IFIT3: variants seen among roughly 807,000 people sequenced by gnomAD.
The protein encoded by IFIT3 is interferon-induced protein with tetratricopeptide repeats 3.
A neutral mutation model predicts 2.4 loss-of-function variants in IFIT3; 2 were observed. That is an observed-to-expected ratio of 0.82 (90% CI 0.34 to 2.60). The LOEUF (loss-of-function observed/expected upper bound fraction) is 2.60. IFIT3 is among the 30% of genes most tolerant of loss of function. The pLI is 0.11. For missense variants in IFIT3, 481 were observed against 562.4 expected (o/e 0.86, Z 1.46); for synonymous variants, 203 against 212.1 (o/e 0.96, Z 0.37).
chr10:89,338,737 G>C lies in IFIT3; in HGVS notation c.82G>C (p.Asp28His), dbSNP rs1311839637. ...CHFTWNLFKE[D>H]SVSRDLEDRV... The stretch of plus-strand genomic sequence containing the variant: ...TTTCACCTGGAACTTATTCAAGGAA[G>C]ACAGTGTCTCAAGGGATCTAGAAGA... The change falls in exon 2 of 2, where the codon GAC (aspartate) becomes CAC (histidine). Residue 28 changes from aspartate to histidine, a missense_variant. Asp to His is a moderately conservative substitution (Grantham distance 81). Transcript: ENST00000371818. The C allele has an allele frequency of 3.7e-6, 6 of 1,613,902 alleles. No individual in the cohort carries two copies. Among genetic ancestry groups the C allele is most frequent in the Non-Finnish European group, 5.1e-6 (6 of 1,179,892 alleles).
chr10:89,339,269 A>G lies in IFIT3; in HGVS notation c.614A>G (p.Asp205Gly), dbSNP rs1421795302. Residue 205 changes from aspartate (D) to glycine (G), a missense_variant, in exon 2 of 2, where the codon GAT becomes GGT. Transcript: ENST00000371818. ...VLKQAIELSP[D>G]NQYVKVLLGL... ...AAGCAGGCCATTGAGCTGAGTCCTG[A>G]TAACCAATACGTCAAGGTTCTCTTG... 4 of 1,614,222 alleles carry G rather than the reference A, an allele frequency of 2.5e-6. No homozygotes were observed. Among genetic ancestry groups the G allele is most frequent in the Middle Eastern group, 3.3e-4 (2 of 6,062 alleles).
At position 89,338,739 on chromosome 10, in the gene IFIT3, C is replaced by G. The variant is rs1357234811; in HGVS notation, c.84C>G (p.Asp28Glu). The G allele has an allele frequency of 1.2e-6, 2 of 1,613,724 alleles. No homozygotes were observed. The highest frequency in any genetic ancestry group is 1.7e-5 in the Admixed American group (1 of 59,990). ...TCACCTGGAACTTATTCAAGGAAGA[C>G]AGTGTCTCAAGGGATCTAGAAGATA... ...CHFTWNLFKE[D>E]SVSRDLEDRV... Residue 28 changes from aspartate (D) to glutamate (E), a missense_variant, in exon 2 of 2, where the codon GAC (aspartate) becomes GAG (glutamate). By Grantham distance (45) the Asp-to-Glu change is conservative. Coordinates refer to ENST00000371818, the MANE Select transcript of IFIT3 (RefSeq NM_001549.6).
At chr10:89,336,530 A>G (rs1268515332) in intron 1 of IFIT3, among the ~76,000 whole-genome samples, 1 of 152,224 alleles carries the variant, frequency 6.6e-6, no homozygotes, top group Non-Finnish European at 1.5e-5. Context: ...CACTTGCAGT[A>G]GCGGTGTGAG....
rs17849892 is a variant in IFIT3 at position 89,338,786 on chromosome 10, T to C, written c.131T>C (p.Phe44Ser). The change falls in exon 2 of 2, where the codon TTT becomes TCT. Residue 44 changes from phenylalanine (F) to serine (S), a missense_variant. Coordinates refer to ENST00000371818, the MANE Select transcript of IFIT3 (RefSeq NM_001549.6). ...GATAGAGTGTGTAACCAGATTGAAT[T>C]TTTAAACACTGAGTTCAAAGCTACA... ...LEDRVCNQIEFLNTEFKATMY... is the reference protein window; with the variant it reads ...LEDRVCNQIESLNTEFKATMY... The C allele has an allele frequency of 6.2e-7, 1 of 1,614,096 alleles. No individual in the cohort carries two copies. Among genetic ancestry groups the C allele is most frequent in the Non-Finnish European group, 8.5e-7 (1 of 1,179,984 alleles).
Position 89,339,241 on chromosome 10 carries a change from T to C in IFIT3, c.586T>C (p.Leu196=), listed in dbSNP as rs1223815594. The C allele has an allele frequency of 3.7e-6, 6 of 1,614,194 alleles. No homozygotes were observed. Among genetic ancestry groups the C allele is most frequent in the Non-Finnish European group, 5.1e-6 (6 of 1,180,016 alleles). The change falls in exon 2 of 2, where the codon TTG becomes CTG. Residue 196 remains leucine (L), a synonymous_variant. Transcript: ENST00000371818. Reference sequence around the variant, plus strand: ...AGAGAAACAGTTCTCTACTGATGTTTTGAAGCAGGCCATTGAGCTGAGTCC... The same window carrying C: ...AGAGAAACAGTTCTCTACTGATGTTCTGAAGCAGGCCATTGAGCTGAGTCC... ...HPEKQFSTDV[L]KQAIELSPDN...
At chr10:89,338,604 A>AC (rs1345843468) in intron 1 of IFIT3, 57 bp from the exon 2 acceptor site, 1 of 1,490,692 alleles carries the variant, frequency 6.7e-7, no homozygotes, top group African/African-American at 1.4e-5. Context: ...ATTAATGATC[A>AC]CAGGGTGCAG....
rs1402065278 is a variant in IFIT3, at chr10:89,339,200, A to T, written c.545A>T (p.His182Leu). ...TCTGGACTGGCAATTGCGATGTACCATCTGGATAATCACCCAGAGAAACAG... is the reference window on the plus strand; with the variant it reads ...TCTGGACTGGCAATTGCGATGTACCTTCTGGATAATCACCCAGAGAAACAG... ...FSSGLAIAMY[H>L]LDNHPEKQFS... is the part of the protein sequence containing the mutation. Residue 182 changes from histidine to leucine, a missense_variant, in exon 2 of 2, where the codon CAT becomes CTT. Coordinates refer to ENST00000371818, the MANE Select transcript of IFIT3 (RefSeq NM_001549.6). 1 of 1,614,186 alleles carries T rather than the reference A, an allele frequency of 6.2e-7. No individual in the cohort carries two copies. Among genetic ancestry groups the T allele is most frequent in the Non-Finnish European group, 8.5e-7 (1 of 1,179,978 alleles).
intron 1 of IFIT3, among the ~76,000 whole-genome samples, chr10:89,334,589 G>A (rs905173810): frequency 8.2e-5 from 6 of 72,942 alleles, no homozygotes; most frequent in African/African-American, 4.3e-4. Flanking sequence ...TCCGCCTTCC[G>A]GTTTCAAGCA....
chr10:89,328,131 G>A, intron 1 of IFIT3, 53 bp downstream of exon 1: 1 of 1,578,232 alleles, frequency 6.3e-7, no homozygotes, highest in Non-Finnish European at 8.7e-7. Context: ...CAAATTGTAA[G>A]TTGAGTTTCT....
chr10:89,338,599 T>G, intron 1 of IFIT3, 62 bp from the exon 2 acceptor site: 1 of 1,457,506 alleles, frequency 6.9e-7, no homozygotes, highest in Non-Finnish European at 9.3e-7. Context: ...ATAAAATTAA[T>G]GATCACAGGG....
At chr10:89,338,305 C>A in intron 1 of IFIT3, 1 of 187,764 alleles carries the variant, frequency 5.3e-6, no homozygotes, top group South Asian at 1.2e-4. Context: ...ACCAGGTAAG[C>A]CAATGGTGAA....
chr10:89,331,747 G>A (rs1009846955), intron 1 of IFIT3, among the ~76,000 whole-genome samples: 4 of 150,340 alleles, frequency 2.7e-5, no homozygotes, highest in African/African-American at 7.3e-5. Flanking sequence ...TAGTCTCATT[G>A]ACTGGAGAGG....
chr10:89,330,787 A>G (rs971265714), intron 1 of IFIT3, among the ~76,000 whole-genome samples: 16 of 152,198 alleles, frequency 1.1e-4, no homozygotes, highest in Admixed American at 1.3e-4. Flanking sequence ...TCACCACATT[A>G]GCTCCATAAA....
intron 1 of IFIT3, among the ~76,000 whole-genome samples, chr10:89,334,712 C>T (rs1315159873): frequency 4.0e-5 from 6 of 151,176 alleles, no homozygotes; most frequent in East Asian, 3.9e-4. Flanking sequence ...AGGCTAGTCT[C>T]GAACTCTTGA....
rs1485508813 is a variant in IFIT3 at position 89,339,629 on chromosome 10, G to C, written c.974G>C (p.Gly325Ala). 1.2e-6 allele frequency: 2 copies of C among 1,614,184 alleles called. No individual in the cohort carries two copies. The highest frequency in any genetic ancestry group is 1.7e-6 in the Non-Finnish European group (2 of 1,180,032). ...MDYSNKALEK[G>A]LNPLNAYSDL... ...TATTCGAATAAAGCTCTTGAGAAGG[G>C]ACTGAATCCTCTGAATGCATACTCC... is the stretch of plus-strand genomic sequence containing the variant. The change falls in exon 2 of 2, where the codon GGA (glycine) becomes GCA (alanine). Residue 325 changes from glycine to alanine, a missense_variant. Coordinates refer to ENST00000371818, the MANE Select transcript of IFIT3 (RefSeq NM_001549.6).
At chr10:89,336,831 A>G (rs903826818) in intron 1 of IFIT3, among the ~76,000 whole-genome samples, 6 of 152,188 alleles carry the variant, frequency 3.9e-5, no homozygotes, top group African/African-American at 1.4e-4. Context: ...GTTCTTTCCA[A>G]TCTTATGGTG....
intron 1 of IFIT3, chr10:89,338,425 C>G: frequency 2.1e-6 from 1 of 481,404 alleles, no homozygotes; most frequent in Non-Finnish European, 3.7e-6. Context: ...CTATTAAGGC[C>G]CTCAACAGAA....
At chr10:89,334,053 T>C (rs1843691491) in intron 1 of IFIT3, among the ~76,000 whole-genome samples, 1 of 152,222 alleles carries the variant, frequency 6.6e-6, no homozygotes, top group Admixed American at 6.5e-5. Context: ...AACCAGCACA[T>C]GCTGGGGACA....
At chr10:89,337,901 G>A (rs1020991459) in intron 1 of IFIT3, among the ~76,000 whole-genome samples, 2 of 152,204 alleles carry the variant, frequency 1.3e-5, no homozygotes, top group East Asian at 1.9e-4. Context: ...TGGTACAAAA[G>A]TGATAATTCC....
Sources: allele counts gnomAD v4.1 joint callset (sites outside exome capture counted in the v4.1 genomes callset), GRCh38; gene constraint gnomAD v4.1.1; transcripts MANE v1.5; gene names NCBI Gene and HGNC (gene_info 2026-07-23, HGNC 2026-07-21).